The following CSMD1 variants were observed in gnomAD, a reference collection of about 807,000 sequenced individuals.
CSMD1 encodes the protein CUB and sushi domain-containing protein 1.
In CSMD1, 213 loss-of-function variants were observed where a neutral mutation model predicts 417.5. That is an observed-to-expected ratio of 0.51 (90% CI 0.46 to 0.57). The LOEUF (loss-of-function observed/expected upper bound fraction) is 0.57. Among genes scored for constraint, CSMD1 ranks in the 20% least tolerant of loss-of-function variants. The probability of loss-of-function intolerance (pLI) is 0.00; values close to 1 mark genes in which losing one functional copy is unlikely to be tolerated. For missense variants in CSMD1, 6,923 were observed against 4,529.7 expected (o/e 1.53, Z -15.17); for synonymous variants, 2,862 against 1,736.8 (o/e 1.65, Z -16.11).
chr8:4,157,658 G>C (rs755712730), intron 3 of CSMD1, among the ~76,000 whole-genome samples: 1 of 152,194 alleles, frequency 6.6e-6, no homozygotes, highest in South Asian at 2.1e-4. Context: ...TGTTATCTGG[G>C]CATGGGGTGA....
chr8:3,080,551 C>T (rs1351660346), intron 49 of CSMD1, among the ~76,000 whole-genome samples: 1 of 152,186 alleles, frequency 6.6e-6, no homozygotes, highest in Admixed American at 6.6e-5. Context: ...TTTGCTGAAT[C>T]CAGAAGCTAA....
intron 3 of CSMD1, among the ~76,000 whole-genome samples, chr8:4,216,442 A>T (rs1029306771): frequency 4.6e-5 from 7 of 152,214 alleles, no homozygotes; most frequent in Admixed American, 2.6e-4. Context: ...TTCCTAAGTA[A>T]GTAAGTAAAG....
At chr8:4,456,163 T>G (rs537110057) in intron 2 of CSMD1, among the ~76,000 whole-genome samples, 1 of 151,752 alleles carries the variant, frequency 6.6e-6, no homozygotes, top group African/African-American at 2.4e-5. Flanking sequence ...GTGGTCCCTG[T>G]CTTTTGGAAA....
In CSMD1 at chr8:3,679,298, T is replaced by A. The variant is rs527294476; in HGVS notation, c.1009+29116A>T. ...TTGTATTCAGGAAACCCATCTCATG[T>A]GCAGAGACACACATAGGCTCAAAAT... On this transcript the variant is annotated intron_variant, in intron 7 of 69. Coordinates refer to ENST00000635120, the MANE Select transcript of CSMD1 (RefSeq NM_033225.6). 3.9e-5 allele frequency among the ~76,000 whole-genome samples: 6 copies of A among 152,282 alleles called. No homozygotes were observed. The East Asian group carries it at 1.2e-3, about 29-fold the overall frequency.
At position 4,345,828 on chromosome 8, in the gene CSMD1, G is replaced by A. The variant is rs750123453; in HGVS notation, c.415+74125C>T. ...TGTGCCTTCACAGGGAGGTCATCCC[G>A]AGCAGCGACCTACATTGGAGTGTTC... On this transcript the variant is annotated intron_variant, in intron 3 of 69. Transcript: ENST00000635120. Among the ~76,000 whole-genome samples the A allele has an allele frequency of 3.3e-5, 5 of 152,078 alleles. No individual in the cohort carries two copies. The East Asian group carries it at 5.8e-4, about 18-fold the overall frequency.
At chr8:3,368,391 C>T (rs909388419) in intron 19 of CSMD1, among the ~76,000 whole-genome samples, 11 of 152,156 alleles carry the variant, frequency 7.2e-5, no homozygotes, top group Non-Finnish European at 1.5e-4. Context: ...GGCTGGAGTA[C>T]AGTGGCGCAA....
chr8:3,523,790 T>TGCACACAC (rs796600569), intron 10 of CSMD1, among the ~76,000 whole-genome samples: 2 of 122,066 alleles, frequency 1.6e-5, no homozygotes, highest in African/African-American at 6.2e-5. Flanking sequence ...CCCAGAGACA[T>TGCACACAC]ATGCACACAT....
intron 3 of CSMD1, among the ~76,000 whole-genome samples, chr8:4,052,354 T>C (rs1474055708): frequency 1.3e-5 from 2 of 152,150 alleles, no homozygotes; most frequent in Non-Finnish European, 2.9e-5. Flanking sequence ...ATGATAACAC[T>C]CACGTGTATG....
At chr8:4,396,163 A>G (rs938836105) in intron 3 of CSMD1, among the ~76,000 whole-genome samples, 3 of 152,142 alleles carry the variant, frequency 2.0e-5, no homozygotes, top group African/African-American at 7.2e-5. Context: ...AATTATTTGC[A>G]AAGCAAGAAT....
chr8:3,740,525 T>C (rs1441147916), intron 6 of CSMD1, among the ~76,000 whole-genome samples: 6 of 152,254 alleles, frequency 3.9e-5, no homozygotes, highest in African/African-American at 1.2e-4. Context: ...ATGGATGTGA[T>C]ATACAGACGG....
At chr8:3,827,462 C>T (rs938868434) in intron 5 of CSMD1, among the ~76,000 whole-genome samples, 7 of 152,096 alleles carry the variant, frequency 4.6e-5, no homozygotes, top group Admixed American at 4.6e-4. Context: ...AGTGCAAAAC[C>T]TGTGTGGTCT....
intron 26 of CSMD1, among the ~76,000 whole-genome samples, chr8:3,238,339 C>A (rs570452490): frequency 6.6e-6 from 1 of 152,126 alleles, no homozygotes; most frequent in South Asian, 2.1e-4. Flanking sequence ...CAGGAACTGG[C>A]CATCTGGATG....
intron 3 of CSMD1, among the ~76,000 whole-genome samples, chr8:4,280,825 A>C (rs1012292514): frequency 2.0e-5 from 3 of 152,232 alleles, no homozygotes; most frequent in Non-Finnish European, 4.4e-5. Context: ...TGTATAAATT[A>C]TAAGACTTTT....
chr8:3,401,314 T>C (rs1386247061), intron 15 of CSMD1, among the ~76,000 whole-genome samples: 1 of 152,130 alleles, frequency 6.6e-6, no homozygotes. Flanking sequence ...TTTCCTTTAC[T>C]TTAGTAATTT....
chr8:3,631,911 C>G (rs1359754418), intron 7 of CSMD1, among the ~76,000 whole-genome samples: 1 of 152,162 alleles, frequency 6.6e-6, no homozygotes, highest in Non-Finnish European at 1.5e-5. Context: ...ACTGACGAAG[C>G]AAAACCCCCC....
intron 2 of CSMD1, among the ~76,000 whole-genome samples, chr8:4,537,763 C>G (rs1226393698): frequency 2.0e-5 from 3 of 152,138 alleles, no homozygotes; most frequent in Non-Finnish European, 2.9e-5. Flanking sequence ...TACCTGGCCT[C>G]GAATCACCAG....
intron 3 of CSMD1, among the ~76,000 whole-genome samples, chr8:4,036,314 A>G (rs1392551633): frequency 6.7e-6 from 1 of 149,356 alleles, no homozygotes; most frequent in Admixed American, 6.9e-5. Context: ...TTTATCATCT[A>G]CAGTATATTT....
At chr8:4,140,982 A>G (rs1803755657) in intron 3 of CSMD1, among the ~76,000 whole-genome samples, 1 of 151,252 alleles carries the variant, frequency 6.6e-6, no homozygotes, top group African/African-American at 2.5e-5. Flanking sequence ...AAGAAAACAT[A>G]AAAGATTTAG....
chr8:3,075,906 C>CCGGGCGTGGTGG (rs1426316666), intron 49 of CSMD1, among the ~76,000 whole-genome samples: 60 of 150,374 alleles, frequency 4.0e-4, no homozygotes, highest in Non-Finnish European at 6.6e-4. Flanking sequence ...AAAAAATTAG[C>CCGGGCGTGGTGG]CGGGCGTGGT....
Sources: gnomAD v4.1 joint callset for allele counts (sites outside exome capture counted in the v4.1 genomes callset) on GRCh38, gnomAD v4.1.1 for gene constraint, MANE v1.5 for transcripts, NCBI Gene and HGNC (gene_info 2026-07-23, HGNC 2026-07-21) for gene names.